GAN: variants seen among roughly 807,000 people sequenced by gnomAD.
GAN encodes the protein gigaxonin, also known as epididymis secretory sperm binding protein.
A neutral mutation model predicts 71.3 loss-of-function variants in GAN; 48 were observed. The ratio of observed to expected loss-of-function variants is 0.67; its 90% CI spans 0.53 to 0.86. The LOEUF (loss-of-function observed/expected upper bound fraction) is 0.86. Ranked by LOEUF, GAN falls within the 40% of genes least tolerant of loss-of-function variation. GAN has a pLI of 0.00. For missense variants in GAN, 928 were observed against 770.1 expected (o/e 1.21, Z -2.43); for synonymous variants, 386 against 276.8 (o/e 1.39, Z -3.92).
chr16:81,344,585 C>G (rs1386069011), intron 1 of GAN, among the ~76,000 whole-genome samples: 1 of 152,072 alleles, frequency 6.6e-6, no homozygotes, highest in Non-Finnish European at 1.5e-5. Context: ...ACTGGACCTT[C>G]TTACATCTTA....
rs569698433 is a variant in GAN at position 81,387,211 on chromosome 16, G to A, written c.*9615G>A. Reference sequence around the variant, plus strand: ...GTAATGGCTAAATGTAAAGTCTTACGTCTCGGTTCAAGAAAGCACGTTGCT... The same window carrying A: ...GTAATGGCTAAATGTAAAGTCTTACATCTCGGTTCAAGAAAGCACGTTGCT... On this transcript the variant is annotated 3_prime_UTR_variant, in exon 11 of 11. Transcript: ENST00000648994. 10 of 152,306 alleles carry A rather than the reference G, an allele frequency of 6.6e-5. No homozygotes were observed. The highest frequency in any genetic ancestry group is 2.1e-4 in the South Asian group (1 of 4,822). The allele number at this position is 152,306 out of a possible 1,614,324, so 9.4% of individuals were successfully genotyped here.
chr16:81,384,193 A>T lies in GAN; in HGVS notation c.*6597A>T, dbSNP rs556886932. On this transcript the variant is annotated 3_prime_UTR_variant, in exon 11 of 11. Coordinates refer to ENST00000648994, the MANE Select transcript of GAN (RefSeq NM_022041.4). ...TAGTATTGTGCTTGATCCCCTGCCA[A>T]TTGAGAAGAATTCAACACATTCTGT... 6.6e-6 allele frequency: 1 copy of T among 151,984 alleles called. No individual in the cohort carries two copies. Among genetic ancestry groups the T allele is most frequent in the Non-Finnish European group, 1.5e-5 (1 of 68,008 alleles). The allele number at this position is 151,984 out of a possible 1,614,324, so 9.4% of individuals were successfully genotyped here. A position where few individuals can be genotyped will look rare whatever the true frequency, so the allele number is the denominator to read the frequency against.
intron 1 of GAN, among the ~76,000 whole-genome samples, chr16:81,340,655 T>G (rs565458671): frequency 6.6e-6 from 1 of 151,896 alleles, no homozygotes; most frequent in Non-Finnish European, 1.5e-5. Context: ...AAGACCCAAG[T>G]AGATAAAACC....
chr16:81,346,345 C>T (rs1043350297), intron 1 of GAN, among the ~76,000 whole-genome samples: 1 of 152,156 alleles, frequency 6.6e-6, no homozygotes, highest in Non-Finnish European at 1.5e-5. Context: ...GGCAGAAAAG[C>T]CACATTGTGG....
In GAN at chr16:81,362,541, A is replaced by G. The variant is rs1462816857; in HGVS notation, c.1016A>G (p.Gln339Arg). The change falls in exon 6 of 11, where the codon CAG becomes CGG. Residue 339 changes from glutamine (Q) to arginine (R), a missense_variant. Transcript: ENST00000648994. The stretch of plus-strand genomic sequence containing the variant: ...TTCGGGGGCCAAGATGAAAATAAGC[A>G]GACTCTTAGCTCAGGAGAAAAGTAT... ...FVFGGQDENK[Q>R]TLSSGEKYDP... The G allele has an allele frequency of 8.7e-6, 14 of 1,610,380 alleles. No individual in the cohort carries two copies. Among genetic ancestry groups the G allele is most frequent in the Non-Finnish European group, 1.2e-5 (14 of 1,176,524 alleles).
intron 5 of GAN, among the ~76,000 whole-genome samples, chr16:81,360,320 A>G (rs1297958456): frequency 1.3e-5 from 2 of 152,082 alleles, no homozygotes; most frequent in Non-Finnish European, 2.9e-5. Flanking sequence ...CGTAAAGGAT[A>G]TTTTTGCTGA....
intron 9 of GAN, among the ~76,000 whole-genome samples, chr16:81,375,022 A>G (rs1237152682): frequency 6.6e-6 from 1 of 152,214 alleles, no homozygotes; most frequent in East Asian, 1.9e-4. Context: ...AGAAGAGAGC[A>G]TAGGAGAAAA....
At position 81,379,039 on chromosome 16, in the gene GAN, A is replaced by T. The variant is rs1367688090; in HGVS notation, c.*1443A>T. 2 of 150,388 alleles carry T rather than the reference A, an allele frequency of 1.3e-5. No individual in the cohort carries two copies. Among genetic ancestry groups the T allele is most frequent in the South Asian group, 4.2e-4 (2 of 4,786 alleles). 9.3% of individuals were successfully genotyped at this position (150,388 alleles called of 1,614,324 possible). A position where few individuals can be genotyped will look rare whatever the true frequency, so the allele number is the denominator to read the frequency against. On this transcript the variant is annotated 3_prime_UTR_variant, in exon 11 of 11. Transcript: ENST00000648994. ...CATTTTTAATTGTTTTCTAAAAAAA[A>T]GGTTTTTTTTTTCCTTTTGGAATAT...
chr16:81,357,742 G>A, intron 4 of GAN, 68 bp from the exon 5 acceptor site: 1 of 1,397,158 alleles, frequency 7.2e-7, no homozygotes, highest in African/African-American at 1.4e-5. Context: ...ACTAAAACTA[G>A]TGATGGCTAC....
intron 1 of GAN, among the ~76,000 whole-genome samples, chr16:81,332,905 A>T (rs1037795959): frequency 6.6e-6 from 1 of 152,160 alleles, no homozygotes; most frequent in Non-Finnish European, 1.5e-5. Context: ...TTGTCCCAAC[A>T]TTGGTATTGT....
chr16:81,320,787 C>G lies in GAN; in HGVS notation c.167+5507C>G, dbSNP rs891068742. Reference sequence around the variant, plus strand: ...TGGAAAATAAGCTGGGCTTGAGTCTCTTTTAAGGGATCTAGACTTTGTTTT... The same window carrying G: ...TGGAAAATAAGCTGGGCTTGAGTCTGTTTTAAGGGATCTAGACTTTGTTTT... On this transcript the variant is annotated intron_variant, in intron 1 of 10. Coordinates refer to ENST00000648994, the MANE Select transcript of GAN (RefSeq NM_022041.4). 2.0e-5 allele frequency among the ~76,000 whole-genome samples: 3 copies of G among 152,304 alleles called. No homozygotes were observed. The South Asian group carries it at 6.2e-4, about 32-fold the overall frequency.
intron 1 of GAN, among the ~76,000 whole-genome samples, chr16:81,325,060 AGGCACG>A (rs1232016463): frequency 2.0e-5 from 3 of 152,118 alleles, no homozygotes; most frequent in Non-Finnish European, 2.9e-5. Flanking sequence ...GATGGCTCCC[AGGCACG>A]GATGCTCCCA....
chr16:81,325,028 CCAGGGATGGCTCCCAGG>C (rs201963304), intron 1 of GAN, among the ~76,000 whole-genome samples: 17,889 of 151,910 alleles, frequency 0.12, 1,351 homozygotes, highest in Admixed American at 0.16. Flanking sequence ...TGACTCGCAG[CCAGGGATGGCTCCCAGG>C]CAGGGATGGC....
In GAN at chr16:81,377,559, A is replaced by G. The variant is rs1229579879; in HGVS notation, c.1757A>G (p.Gln586Arg). The G allele has an allele frequency of 1.2e-6, 2 of 1,614,118 alleles. No homozygotes were observed. Among genetic ancestry groups the G allele is most frequent in the African/African-American group, 2.7e-5 (2 of 74,944 alleles). The change falls in exon 11 of 11, where the codon CAG (glutamine) becomes CGG (arginine). Residue 586 changes from glutamine (Q) to arginine (R), a missense_variant. Transcript: ENST00000648994. ...TGCAAGCTTTTCCGCCTGCAGCTTCAGCAAGGCTTATTCCGTATTCGTGTT... is the reference window on the plus strand; with the variant it reads ...TGCAAGCTTTTCCGCCTGCAGCTTCGGCAAGGCTTATTCCGTATTCGTGTT... Reference protein sequence around the residue: ...ANCKLFRLQLQQGLFRIRVHS... With the variant: ...ANCKLFRLQLRQGLFRIRVHS...
In GAN at chr16:81,342,127, A is replaced by G. The variant is rs544500955; in HGVS notation, c.168-9456A>G. 3.3e-5 allele frequency among the ~76,000 whole-genome samples: 5 copies of G among 152,366 alleles called. No homozygotes were observed. The East Asian group carries it at 9.6e-4, about 29-fold the overall frequency. ...ACCCAATACAGGAGCACCCAGATTC[A>G]TAAAGCAAGTTCTTAGAGACCTACA... On this transcript the variant is annotated intron_variant, in intron 1 of 10. Coordinates refer to ENST00000648994, the MANE Select transcript of GAN (RefSeq NM_022041.4).
Position 81,388,680 on chromosome 16 carries a change from T to A in GAN, c.*11084T>A, listed in dbSNP as rs2150704756. On this transcript the variant is annotated 3_prime_UTR_variant, in exon 11 of 11. Transcript: ENST00000648994. ...CTTGTGTGACAGGCCCTCTGCCATG[T>A]CTGTCCGCAGAGCCGGGTGGGGACC... 1.3e-5 allele frequency: 2 copies of A among 152,496 alleles called. No homozygotes were observed. The highest frequency in any genetic ancestry group is 4.1e-4 in the South Asian group (2 of 4,832). The allele number at this position is 152,496 out of a possible 1,614,324, so 9.4% of individuals were successfully genotyped here.
At position 81,362,562 on chromosome 16, in the gene GAN, A is replaced by C; in HGVS notation, c.1037A>C (p.Lys346Thr). ...ENKQTLSSGE[K>T]YDPDANTWTA... ...AAGCAGACTCTTAGCTCAGGAGAAA[A>C]GTATGATCCAGATGCAAATACATGG... is the stretch of plus-strand genomic sequence containing the variant. Residue 346 changes from lysine to threonine, a missense_variant, in exon 6 of 11, where the codon AAG becomes ACG. By Grantham distance (78) the Lys-to-Thr change is moderately conservative. Transcript: ENST00000648994. 1 of 1,609,542 alleles carries C rather than the reference A, an allele frequency of 6.2e-7. No homozygotes were observed. Among genetic ancestry groups the C allele is most frequent in the Non-Finnish European group, 8.5e-7 (1 of 1,175,750 alleles).
At chr16:81,326,011 C>G (rs1245627785) in intron 1 of GAN, among the ~76,000 whole-genome samples, 1 of 152,154 alleles carries the variant, frequency 6.6e-6, no homozygotes, top group African/African-American at 2.4e-5. Context: ...TCAAGTATCC[C>G]TTCCTCTGTA....
intron 1 of GAN, 86 bp downstream of exon 1, chr16:81,315,366 C>G (rs1033884212): frequency 3.3e-6 from 3 of 903,342 alleles, no homozygotes; most frequent in Non-Finnish European, 4.4e-6. Flanking sequence ...GCCCCCAGAC[C>G]CTGTCCCCTG....
Sources: gnomAD v4.1 joint callset for allele counts (sites outside exome capture counted in the v4.1 genomes callset) on GRCh38, gnomAD v4.1.1 for gene constraint, MANE v1.5 for transcripts, NCBI Gene and HGNC (gene_info 2026-07-23, HGNC 2026-07-21) for gene names.